Variants in ABCA8 observed in about 807,000 individuals in gnomAD.
ABCA8 encodes the protein ATP binding cassette subfamily A member 8.
Under a neutral mutation model 192.3 loss-of-function variants are expected in ABCA8, and 177 were observed. The ratio of observed to expected loss-of-function variants is 0.92; its 90% CI spans 0.81 to 1.04. The LOEUF (loss-of-function observed/expected upper bound fraction) is 1.04. Ranked by LOEUF, ABCA8 falls within the 50% of genes least tolerant of loss-of-function variation. The probability of loss-of-function intolerance (pLI) is 0.00; values close to 1 mark genes in which losing one functional copy is unlikely to be tolerated. For missense variants in ABCA8, 1,915 were observed against 1,904.8 expected, an observed-to-expected ratio of 1.01 and a Z score of -0.10; for synonymous variants, 642 against 690.2, an observed-to-expected ratio of 0.93 and a Z score of 1.09.
chr17:68,906,263 G>C, intron 18 of ABCA8, 100 bp from the exon 19 acceptor site: 1 of 844,900 alleles, frequency 1.2e-6, no homozygotes, highest in Non-Finnish European at 1.7e-6. Context: ...AACTATACTT[G>C]TGATATGTCA....
Position 68,883,773 on chromosome 17 carries a change from T to C in ABCA8, c.3707+18A>G, listed in dbSNP as rs2066392189. ...GATATTGATCAACAAAATAAAAATC[T>C]GATGTGTTTTTTCCAACCTAAAGAA... On this transcript the variant is annotated intron_variant, in intron 29 of 39. Coordinates refer to ENST00000586539, the MANE Select transcript of ABCA8 (RefSeq NM_001288985.2). 1.4e-6 allele frequency: 2 copies of C among 1,444,662 alleles called. No homozygotes were observed. Among genetic ancestry groups the C allele is most frequent in the Admixed American group, 2.1e-5 (1 of 46,524 alleles). 89.5% of individuals were successfully genotyped at this position (1,444,662 alleles called of 1,614,324 possible).
rs1344700552 is a variant in ABCA8, at chr17:68,929,495, AT to A, written c.939+65del. 2.0e-6 allele frequency: 3 copies of A among 1,511,570 alleles called. No individual in the cohort carries two copies. The African/African-American group carries it at 4.2e-5, about 21-fold the overall frequency. 93.6% of individuals were successfully genotyped at this position (1,511,570 alleles called of 1,614,324 possible). A position where few individuals can be genotyped will look rare whatever the true frequency, so the allele number is the denominator to read the frequency against. Reference sequence around the variant, plus strand: ...GAAAAAAAAGGAGGCATACAGAGTAATCAGTCGGAAACAAACAATTTTTAGG... The same window carrying A: ...GAAAAAAAAGGAGGCATACAGAGTAACAGTCGGAAACAAACAATTTTTAGG... On this transcript the variant is annotated intron_variant, in intron 8 of 39. Coordinates refer to ENST00000586539, the MANE Select transcript of ABCA8 (RefSeq NM_001288985.2).
chr17:68,936,890 A>G, intron 5 of ABCA8, 61 bp downstream of exon 5: 1 of 1,423,856 alleles, frequency 7.0e-7, no homozygotes, highest in East Asian at 2.4e-5. Context: ...CTCTATTCCC[A>G]CACATGACTT....
At chr17:68,886,580 G>T (rs943784654) in intron 26 of ABCA8, among the ~76,000 whole-genome samples, 2 of 152,048 alleles carry the variant, frequency 1.3e-5, no homozygotes, top group African/African-American at 4.8e-5. Flanking sequence ...AAAATAACTC[G>T]TGACTATTTT....
chr17:68,954,101 A>G (rs540515951), intron 1 of ABCA8, among the ~76,000 whole-genome samples: 245 of 151,380 alleles, frequency 1.6e-3, no homozygotes, highest in African/African-American at 5.7e-3. Flanking sequence ...TTAGTTACAT[A>G]TGTATACATG....
intron 21 of ABCA8, among the ~76,000 whole-genome samples, chr17:68,900,376 A>G (rs2066874868): frequency 6.6e-6 from 1 of 152,026 alleles, no homozygotes; most frequent in African/African-American, 2.4e-5. Context: ...AGAAACTATT[A>G]AACTGATACA....
intron 32 of ABCA8, chr17:68,879,597 A>T (rs1362568429): frequency 6.6e-6 from 1 of 152,492 alleles, no homozygotes; most frequent in Non-Finnish European, 1.5e-5. Context: ...GTAGCAGGGG[A>T]GGTGTGACTG....
chr17:68,915,523 A>T (rs183185029), intron 17 of ABCA8, among the ~76,000 whole-genome samples: 1 of 152,202 alleles, frequency 6.6e-6, no homozygotes, highest in African/African-American at 2.4e-5. Flanking sequence ...CATATGAAAA[A>T]GGGCTCAATA....
In ABCA8 at chr17:68,889,535, T is replaced by C. The variant is rs2066574698; in HGVS notation, c.3144+1954A>G. ...CATTTCCTTTTATTTCAACAATCTCTTTTTAATTTTGGGGGGTATAATTCT... is the reference window on the plus strand; with the variant it reads ...CATTTCCTTTTATTTCAACAATCTCCTTTTAATTTTGGGGGGTATAATTCT... On this transcript the variant is annotated intron_variant, in intron 24 of 39. Coordinates refer to ENST00000586539, the MANE Select transcript of ABCA8 (RefSeq NM_001288985.2). Among the ~76,000 whole-genome samples, 4 of 152,204 alleles carry C rather than the reference T, an allele frequency of 2.6e-5. No homozygotes were observed. The South Asian group carries it at 8.3e-4, about 32-fold the overall frequency.
Position 68,921,418 on chromosome 17 carries a change from G to C in ABCA8, c.1576C>G (p.Leu526Val), listed in dbSNP as rs1173693784. ...GHSGAGKSTL[L>V]NILSGLSVPT... ...ACAGACAACCCACTAAGAATGTTTAGCAGTGTTGACTTTCCAGCTCCACTG... is the reference window on the plus strand; with the variant it reads ...ACAGACAACCCACTAAGAATGTTTACCAGTGTTGACTTTCCAGCTCCACTG... Residue 526 changes from leucine (L) to valine (V), a missense_variant, in exon 13 of 40, where the codon CTA (leucine) becomes GTA (valine). By Grantham distance (32) the Leu-to-Val change is conservative (BLOSUM62 1). Transcript: ENST00000586539. 2 of 1,610,928 alleles carry C rather than the reference G, an allele frequency of 1.2e-6. No individual in the cohort carries two copies. The highest frequency in any genetic ancestry group is 2.2e-5 in the East Asian group (1 of 44,836).
intron 16 of ABCA8, 87 bp from the exon 17 acceptor site, chr17:68,917,538 C>A (rs973620204): frequency 2.2e-6 from 2 of 909,790 alleles, no homozygotes; most frequent in South Asian, 1.7e-5. Flanking sequence ...TCTATATAAT[C>A]AAACTTTAAT....
chr17:68,929,144 G>A lies in ABCA8; in HGVS notation c.1030C>T (p.Leu344=). ...VFLLTVFWGC[L]GFTSLYRHLP... is the part of the protein sequence containing the mutation. Reference sequence around the variant, plus strand: ...TGTCTGTACAGTGATGTGAACCCCAGACACCCCCAAAAGACAGTGAGGAGG... The same window carrying A: ...TGTCTGTACAGTGATGTGAACCCCAAACACCCCCAAAAGACAGTGAGGAGG... Residue 344 remains leucine, a synonymous_variant, in exon 9 of 40, where the codon CTG becomes TTG. Transcript: ENST00000586539. The A allele has an allele frequency of 3.7e-6, 6 of 1,611,950 alleles. No homozygotes were observed. The highest frequency in any genetic ancestry group is 5.1e-6 in the Non-Finnish European group (6 of 1,178,758).
At chr17:68,910,276 G>A (rs1240369665) in intron 17 of ABCA8, among the ~76,000 whole-genome samples, 1 of 152,190 alleles carries the variant, frequency 6.6e-6, no homozygotes, top group Non-Finnish European at 1.5e-5. Flanking sequence ...CCCATCCTTG[G>A]CAGCAGCTGT....
rs372090221 is a variant in ABCA8 at position 68,924,889 on chromosome 17, T to C, written c.1274-20A>G. 867 of 1,611,236 alleles carry C rather than the reference T, an allele frequency of 5.4e-4. No individual in the cohort carries two copies. Among genetic ancestry groups the C allele is most frequent in the Non-Finnish European group, 6.3e-4 (738 of 1,178,924 alleles). On this transcript the variant is annotated intron_variant, in intron 10 of 39. Transcript: ENST00000586539. ...ATTCATCTACATGGCCAGAAGACAA[T>C]TAAATATTGGGTCAATGACCACGTT...
At chr17:68,915,529 C>T (rs1461979440) in intron 17 of ABCA8, among the ~76,000 whole-genome samples, 1 of 152,064 alleles carries the variant, frequency 6.6e-6, no homozygotes, top group East Asian at 1.9e-4. Flanking sequence ...AAAAAGGGCT[C>T]AATATCATTG....
chr17:68,891,186 T>C (rs2066614184), intron 24 of ABCA8, among the ~76,000 whole-genome samples: 1 of 152,208 alleles, frequency 6.6e-6, no homozygotes, highest in South Asian at 2.1e-4. Context: ...CATTCTTAAT[T>C]ACTACAAGTT....
rs771221484 is a variant in ABCA8, at chr17:68,941,984, G to T, written c.51C>A (p.Cys17Ter). The T allele has an allele frequency of 4.3e-6, 7 of 1,613,000 alleles. No individual in the cohort carries two copies. In the South Asian group the frequency reaches 7.7e-5, roughly 18 times the overall value. ...TTCTCCATTTTTTAAGAAAGTTCTT[G>T]CATAATAAGGCCCAAGTTTGTTGAC... Reference protein sequence around the residue: ...SVCQQTWALLCKNFLKKWRMK... With the variant: ...SVCQQTWALL The change falls in exon 3 of 40, where the codon TGC (cysteine) becomes TGA (stop). Residue 17 changes from cysteine to a stop codon, truncating the protein, a stop_gained. Transcript: ENST00000586539. LOFTEE classifies it high-confidence loss of function.
intron 19 of ABCA8, among the ~76,000 whole-genome samples, chr17:68,905,125 C>T (rs911614192): frequency 6.6e-6 from 1 of 152,210 alleles, no homozygotes; most frequent in Non-Finnish European, 1.5e-5. Flanking sequence ...CAAATTAGAT[C>T]AGTTCTGCCA....
chr17:68,869,877 G>A lies in ABCA8; in HGVS notation c.4632-98C>T, dbSNP rs560823181. The A allele has an allele frequency of 8.6e-5, 70 of 814,766 alleles. 2 individuals are homozygous for A. In the South Asian group the frequency reaches 1.1e-3, roughly 13 times the overall value. 50.5% of individuals were successfully genotyped at this position (814,766 alleles called of 1,614,324 possible). A position where few individuals can be genotyped will look rare whatever the true frequency, so the allele number is the denominator to read the frequency against. On this transcript the variant is annotated intron_variant, in intron 37 of 39. Coordinates refer to ENST00000586539, the MANE Select transcript of ABCA8 (RefSeq NM_001288985.2). ...GGTCTTTTTTTTTCTTTTAAAAAATGGTGTTAGGAACATTTAACATGAGAT... is the reference window on the plus strand; with the variant it reads ...GGTCTTTTTTTTTCTTTTAAAAAATAGTGTTAGGAACATTTAACATGAGAT...
Sources: gnomAD v4.1 joint callset for allele counts (sites outside exome capture counted in the v4.1 genomes callset) on GRCh38, gnomAD v4.1.1 for gene constraint, MANE v1.5 for transcripts, NCBI Gene and HGNC (gene_info 2026-07-23, HGNC 2026-07-21) for gene names.